TBC1D30: variants seen among roughly 807,000 people sequenced by gnomAD.
TBC1D30 encodes TBC1 domain family, member 30.
Under a neutral mutation model 63.2 loss-of-function variants are expected in TBC1D30, and 31 were observed. That is an observed-to-expected ratio of 0.49 (90% CI 0.37 to 0.66). The LOEUF (loss-of-function observed/expected upper bound fraction) is 0.66. Ranked by LOEUF, TBC1D30 falls within the 30% of genes least tolerant of loss-of-function variation. The probability of loss-of-function intolerance (pLI) is 0.00; values close to 1 mark genes in which losing one functional copy is unlikely to be tolerated. For missense variants in TBC1D30, 810 were observed against 953.6 expected (o/e 0.85, Z 1.98); for synonymous variants, 307 against 361.5 (o/e 0.85, Z 1.71).
intron 2 of TBC1D30, among the ~76,000 whole-genome samples, chr12:64,786,701 A>C (rs900768368): frequency 1.3e-4 from 20 of 152,044 alleles, no homozygotes; most frequent in Admixed American, 3.9e-4. Flanking sequence ...CTATAATCCC[A>C]GCACTTTTGG....
Position 64,841,212 on chromosome 12 carries a change from G to A in TBC1D30, c.933-2168G>A, listed in dbSNP as rs181885171. Among the ~76,000 whole-genome samples, 299 of 152,296 alleles carry A rather than the reference G, an allele frequency of 2.0e-3. 1 individual carries two copies. The highest frequency in any genetic ancestry group is 3.3e-3 in the Non-Finnish European group (224 of 68,022). On this transcript the variant is annotated intron_variant, in intron 7 of 11. Transcript: ENST00000539867. ...GTTTATGTACACCTGAGTAACATGTGCCTTATATATGGTGATCCAGGACCT... is the reference window on the plus strand; with the variant it reads ...GTTTATGTACACCTGAGTAACATGTACCTTATATATGGTGATCCAGGACCT...
At chr12:64,818,232 GAA>G (rs1188347782) in intron 2 of TBC1D30, among the ~76,000 whole-genome samples, 1 of 152,154 alleles carries the variant, frequency 6.6e-6, no homozygotes, top group Non-Finnish European at 1.5e-5. Flanking sequence ...ACAACTGTAA[GAA>G]GAGCATACAT....
At chr12:64,780,751 G>A (rs1041099101) in exon 1 of TBC1D30, 1 of 987,926 alleles carries the variant, frequency 1.0e-6, no homozygotes. Flanking sequence ...TCCCGGAACT[G>A]GCCGGCGCCG....
intron 1 of TBC1D30, among the ~76,000 whole-genome samples, chr12:64,782,762 G>A (rs138414752): frequency 1.6e-4 from 24 of 152,318 alleles, no homozygotes; most frequent in African/African-American, 5.3e-4. Context: ...CACAAGCCCT[G>A]TAATAGTTCG....
rs1875379114 is a variant in TBC1D30 at position 64,836,576 on chromosome 12, C to T, written c.681C>T (p.Phe227=). The change falls in exon 6 of 12, where the codon TTC becomes TTT. Residue 227 remains phenylalanine, a synonymous_variant. Transcript: ENST00000539867. ...CATTGTCTGTGGATATGGCTGTCTTCAGAGACCTTTTAAGAATGAAGCTGC... is the reference window on the plus strand; with the variant it reads ...CATTGTCTGTGGATATGGCTGTCTTTAGAGACCTTTTAAGAATGAAGCTGC... ...LRALSVDMAV[F]RDLLRMKLPE... is the part of the protein sequence containing the mutation. The T allele has an allele frequency of 5.2e-6, 8 of 1,535,944 alleles. No homozygotes were observed. The highest frequency in any genetic ancestry group is 6.1e-6 in the Non-Finnish European group (7 of 1,146,862).
chr12:64,792,985 T>C (rs1002401878), intron 2 of TBC1D30, among the ~76,000 whole-genome samples: 1 of 152,074 alleles, frequency 6.6e-6, no homozygotes, highest in Admixed American at 6.6e-5. Context: ...CACAGAAGTA[T>C]TGTGCTTTGG....
chr12:64,845,185 G>A lies in TBC1D30; in HGVS notation c.1038+1700G>A, dbSNP rs1876254420. Among the ~76,000 whole-genome samples the A allele has an allele frequency of 2.0e-5, 3 of 151,934 alleles. No homozygotes were observed. In the South Asian group the frequency reaches 6.3e-4, roughly 32 times the overall value. On this transcript the variant is annotated intron_variant, in intron 8 of 11. Transcript: ENST00000539867. ...AGCTCTAATTTTAGTTTTTTTTGAGGAACCTCCAACCTGTTTTCCATAGTG... is the reference window on the plus strand; with the variant it reads ...AGCTCTAATTTTAGTTTTTTTTGAGAAACCTCCAACCTGTTTTCCATAGTG...
intron 1 of TBC1D30, among the ~76,000 whole-genome samples, chr12:64,785,122 T>C (rs1871487178): frequency 6.6e-6 from 1 of 151,392 alleles, no homozygotes; most frequent in Admixed American, 6.6e-5. Flanking sequence ...TCATCATTTG[T>C]AAACATAGAT....
intron 2 of TBC1D30, among the ~76,000 whole-genome samples, chr12:64,797,717 CAG>C (rs1397206444): frequency 5.9e-5 from 9 of 152,124 alleles, no homozygotes; most frequent in African/African-American, 9.7e-5. Context: ...TGTATTTTAA[CAG>C]AGAAAATGTA....
rs1000926640 is a variant in TBC1D30, at chr12:64,789,171, CCTT to C, written c.643+3139_643+3141del. On this transcript the variant is annotated intron_variant, in intron 2 of 12. Transcript: ENST00000542120. ...ATAAGTGACTTTTCCCCTTCTTCTT[CCTT>C]CTTCTTCTTCTTTTTTTTTTTTTTT... Among the ~76,000 whole-genome samples the C allele has an allele frequency of 2.2e-3, 307 of 141,912 alleles. 118 individuals are homozygous for C. Among genetic ancestry groups the C allele is most frequent in the Middle Eastern group, 7.7e-3 (2 of 260 alleles). 93.1% of individuals were successfully genotyped at this position (141,912 alleles called of 152,430 possible). A position where few individuals can be genotyped will look rare whatever the true frequency, so the allele number is the denominator to read the frequency against.
intron 7 of TBC1D30, among the ~76,000 whole-genome samples, chr12:64,841,269 T>C (rs1351065485): frequency 6.6e-6 from 1 of 152,234 alleles, no homozygotes; most frequent in South Asian, 2.1e-4. Context: ...AACTTGGAAT[T>C]TCTACCTTTC....
At chr12:64,799,658 GT>G (rs1872491174) in intron 2 of TBC1D30, among the ~76,000 whole-genome samples, 1 of 152,238 alleles carries the variant, frequency 6.6e-6, no homozygotes, top group Admixed American at 6.5e-5. Flanking sequence ...CTCTTCCTCT[GT>G]GTGTTTCCAT....
At chr12:64,790,591 A>T (rs1871861672) in intron 2 of TBC1D30, among the ~76,000 whole-genome samples, 1 of 152,194 alleles carries the variant, frequency 6.6e-6, no homozygotes. Context: ...ATGCAGAAAT[A>T]TTATCTTAGC....
chr12:64,808,473 A>G (rs1388760989), intron 2 of TBC1D30, among the ~76,000 whole-genome samples: 1 of 152,232 alleles, frequency 6.6e-6, no homozygotes, highest in African/African-American at 2.4e-5. Context: ...AATGTTTGCC[A>G]TAAGATGAAC....
chr12:64,840,027 A>AAAAAAAC (rs1555171793), intron 7 of TBC1D30, among the ~76,000 whole-genome samples: 4 of 145,810 alleles, frequency 2.7e-5, no homozygotes, highest in African/African-American at 1.0e-4. Context: ...AAAAAAAAAA[A>AAAAAAAC]ATCCACCAAC....
chr12:64,866,586 C>T (rs753389531), intron 9 of TBC1D30, among the ~76,000 whole-genome samples, 178 bp from the exon 10 acceptor site: 5 of 151,920 alleles, frequency 3.3e-5, no homozygotes, highest in East Asian at 1.9e-4. Context: ...TACAGGTGTG[C>T]GGCACCACAC....
At chr12:64,779,808 A>C (rs1403453246), upstream of TBC1D30, among the ~76,000 whole-genome samples, 1 of 152,222 alleles carries the variant, frequency 6.6e-6, no homozygotes, top group African/African-American at 2.4e-5. Flanking sequence ...AAAAGTGAGA[A>C]TATAACGACA....
intron 1 of TBC1D30, among the ~76,000 whole-genome samples, chr12:64,826,299 G>T (rs1410765506): frequency 6.6e-6 from 1 of 152,180 alleles, no homozygotes; most frequent in Non-Finnish European, 1.5e-5. Context: ...GAGGATAGTT[G>T]TGGTTTTGGC....
chr12:64,765,148 C>T (rs1870658778), intron 1 of TBC1D30, among the ~76,000 whole-genome samples: 1 of 152,132 alleles, frequency 6.6e-6, no homozygotes. Context: ...GACTACGAAA[C>T]CTAGATATTC....
Sources: gnomAD v4.1 joint callset for allele counts (sites outside exome capture counted in the v4.1 genomes callset) on GRCh38, gnomAD v4.1.1 for gene constraint, MANE v1.5 for transcripts, NCBI Gene and HGNC (gene_info 2026-07-23, HGNC 2026-07-21) for gene names.